The following CCDC39 variants were observed in gnomAD, a reference collection of about 807,000 sequenced individuals.
The protein encoded by CCDC39 is coiled-coil domain 39 molecular ruler complex subunit, also known as coiled-coil domain-containing protein 39.
Under a neutral mutation model 121.0 loss-of-function variants are expected in CCDC39, and 113 were observed. The observed-to-expected ratio is 0.93, with a 90% CI of 0.80 to 1.09. CCDC39 has a LOEUF of 1.09. CCDC39 is among the 50% of genes least tolerant of loss of function. The pLI is 0.00. For missense variants in CCDC39, 1,063 were observed against 1,074.7 expected (o/e 0.99, Z 0.15); for synonymous variants, 349 against 352.2 (o/e 0.99, Z 0.10).
rs886038751 is a variant in CCDC39 at position 180,654,839 on chromosome 3, C to T, written c.853G>A (p.Val285Met). The change falls in exon 7 of 20, where the codon GTG becomes ATG. Residue 285 changes from valine to methionine, a missense_variant. Val to Met is a conservative substitution (Grantham distance 21). Transcript: ENST00000476379. ...NNTEFEKRIS[V>M]ADRKLLKCRT... ...CATTTTAAAAGTTTACGATCAGCCA[C>T]AGAAATTCTTTTCTCAAACTCTGTG... 2.5e-6 allele frequency: 4 copies of T among 1,610,140 alleles called. No individual in the cohort carries two copies. In the Admixed American group the frequency reaches 6.7e-5, roughly 27 times the overall value.
intron 6 of CCDC39, among the ~76,000 whole-genome samples, chr3:180,655,254 G>C (rs757696237): frequency 2.0e-4 from 30 of 151,972 alleles, no homozygotes; most frequent in Admixed American, 3.9e-4. Flanking sequence ...AAATGTAACA[G>C]TGTTGAATAT....
At chr3:180,618,128 A>G (rs1185766260) in intron 16 of CCDC39, among the ~76,000 whole-genome samples, 1 of 152,206 alleles carries the variant, frequency 6.6e-6, no homozygotes, top group Non-Finnish European at 1.5e-5. Context: ...ACAATAGGCT[A>G]TACCATCTAG....
At chr3:180,634,842 TAAG>T (rs1184550387) in intron 13 of CCDC39, among the ~76,000 whole-genome samples, 1 of 152,124 alleles carries the variant, frequency 6.6e-6, no homozygotes, top group African/African-American at 2.4e-5. Flanking sequence ...AAACCAAAGA[TAAG>T]AAGTCAGCTA....
At chr3:180,616,012 T>G (rs1381824439) in intron 19 of CCDC39, among the ~76,000 whole-genome samples, 1 of 152,226 alleles carries the variant, frequency 6.6e-6, no homozygotes, top group Non-Finnish European at 1.5e-5. Context: ...ATTTCTGTTT[T>G]ATCCTACTGA....
At chr3:180,672,197 T>C (rs1017157834) in intron 1 of CCDC39, among the ~76,000 whole-genome samples, 4 of 152,032 alleles carry the variant, frequency 2.6e-5, no homozygotes, top group Non-Finnish European at 5.9e-5. Flanking sequence ...AAGTGCTCTA[T>C]AGATAGGAAA....
At position 180,616,851 on chromosome 3, in the gene CCDC39, G is replaced by C. The variant is rs7613155; in HGVS notation, c.2381C>G (p.Pro794Arg). 2.5e-6 allele frequency: 4 copies of C among 1,609,422 alleles called. No homozygotes were observed. In the South Asian group the frequency reaches 4.4e-5, roughly 18 times the overall value. ...CTGTTTGGTCACTCTTTCTAATTTT[G>C]GCTTCTGCTCCTCCGTTTCTTTACT... ...QLSKETEEQK[P>R]KLERVTKQCA... The change falls in exon 17 of 20, where the codon CCA becomes CGA. Residue 794 changes from proline (P) to arginine (R), a missense_variant. Physicochemically the swap from Pro to Arg is moderately radical, Grantham distance 103. Coordinates refer to ENST00000476379, the MANE Select transcript of CCDC39 (RefSeq NM_181426.2).
chr3:180,677,062 G>A (rs1712232272), intron 1 of CCDC39, among the ~76,000 whole-genome samples: 1 of 148,514 alleles, frequency 6.7e-6, no homozygotes, highest in Admixed American at 6.8e-5. Context: ...GAGTTAATGG[G>A]TGCAGCACAC....
At chr3:180,647,468 T>C (rs1026929508) in intron 10 of CCDC39, among the ~76,000 whole-genome samples, 1 of 152,062 alleles carries the variant, frequency 6.6e-6, no homozygotes, top group Non-Finnish European at 1.5e-5. Context: ...AGAAATAATC[T>C]TCTGAAAATA....
intron 13 of CCDC39, among the ~76,000 whole-genome samples, chr3:180,634,033 G>A (rs569279689): frequency 6.6e-6 from 1 of 152,170 alleles, no homozygotes; most frequent in East Asian, 1.9e-4. Context: ...GACTATGCCT[G>A]AGCTTACAGC....
chr3:180,636,848 A>G (rs962506177), intron 13 of CCDC39, among the ~76,000 whole-genome samples: 12 of 152,176 alleles, frequency 7.9e-5, no homozygotes, highest in Admixed American at 3.3e-4. Context: ...GCTATTCAAT[A>G]CATGGTGCTG....
At chr3:180,670,284 A>C (rs1416452500) in intron 1 of CCDC39, among the ~76,000 whole-genome samples, 1 of 151,660 alleles carries the variant, frequency 6.6e-6, no homozygotes, top group African/African-American at 2.4e-5. Flanking sequence ...CATGTAATTA[A>C]GTTGGGTACA....
rs536763331 is a variant in CCDC39 at position 180,628,210 on chromosome 3, T to C, written c.1998+3259A>G. On this transcript the variant is annotated intron_variant, in intron 14 of 19. Coordinates refer to ENST00000476379, the MANE Select transcript of CCDC39 (RefSeq NM_181426.2). ...ACTTCTAGACTCCAGATGTATCAGA[T>C]ATATATTTCCTTTTTTTTGAGACGG... is the stretch of plus-strand genomic sequence containing the variant. Among the ~76,000 whole-genome samples, 23 of 152,258 alleles carry C rather than the reference T, an allele frequency of 1.5e-4. No individual in the cohort carries two copies. The East Asian group carries it at 3.9e-3, about 26-fold the overall frequency.
In CCDC39 at chr3:180,616,891, A is replaced by G; in HGVS notation, c.2341T>C (p.Tyr781His). The G allele has an allele frequency of 6.3e-7, 1 of 1,584,002 alleles. No homozygotes were observed. ...VKEKLSEKQA[Y>H]SFQLSKETEE... Reference sequence around the variant, plus strand: ...GTTTCTTTACTTAGTTGAAATGAATAAGCCTGCTTCTCTGATAACTTTTCT... The same window carrying G: ...GTTTCTTTACTTAGTTGAAATGAATGAGCCTGCTTCTCTGATAACTTTTCT... The change falls in exon 17 of 20, where the codon TAT becomes CAT. Residue 781 changes from tyrosine to histidine, a missense_variant. Transcript: ENST00000476379.
intron 16 of CCDC39, among the ~76,000 whole-genome samples, chr3:180,618,487 A>G (rs538483123): frequency 9.9e-5 from 15 of 152,042 alleles, no homozygotes; most frequent in African/African-American, 3.6e-4. Context: ...TACATGTGCC[A>G]TGTTGGTGTG....
At chr3:180,646,482 T>C (rs1347517496) in intron 11 of CCDC39, among the ~76,000 whole-genome samples, 1 of 152,102 alleles carries the variant, frequency 6.6e-6, no homozygotes, top group African/African-American at 2.4e-5. Context: ...AGGTTTTATA[T>C]TACAAGAAAC....
intron 6 of CCDC39, 145 bp downstream of exon 6, chr3:180,659,307 G>T (rs1711679008): frequency 1.0e-6 from 1 of 964,674 alleles, no homozygotes. Context: ...TATAGAGTCA[G>T]CTTTCAAAAA....
intron 1 of CCDC39, among the ~76,000 whole-genome samples, chr3:180,671,732 G>A (rs1157763674): frequency 1.3e-5 from 2 of 152,124 alleles, no homozygotes; most frequent in African/African-American, 2.4e-5. Context: ...GTAAGCCAAA[G>A]CCTAATCCAG....
At chr3:180,617,579 T>A in intron 16 of CCDC39, 2 of 468,860 alleles carry the variant, frequency 4.3e-6, no homozygotes, top group Non-Finnish European at 7.6e-6. Context: ...CTTAGGTTTA[T>A]GTGTGTGTAT....
intron 1 of CCDC39, among the ~76,000 whole-genome samples, chr3:180,674,392 G>A (rs551324215): frequency 6.6e-6 from 1 of 152,100 alleles, no homozygotes; most frequent in African/African-American, 2.4e-5. Flanking sequence ...AGACGATGGG[G>A]TTTTCTAGAT....
Sources: allele counts gnomAD v4.1 joint callset (sites outside exome capture counted in the v4.1 genomes callset), GRCh38; gene constraint gnomAD v4.1.1; transcripts MANE v1.5; gene names NCBI Gene and HGNC (gene_info 2026-07-23, HGNC 2026-07-21).